FRMD3: variants seen among roughly 807,000 people sequenced by gnomAD.
FRMD3 encodes the protein FERM domain-containing protein 3.
FRMD3 carries 33 observed loss-of-function variants against 70.2 expected under a neutral mutation model. The ratio of observed to expected loss-of-function variants is 0.47; its 90% CI spans 0.36 to 0.63. The LOEUF is 0.63. Ranked by LOEUF, FRMD3 falls within the 20% of genes least tolerant of loss-of-function variation. The pLI is 0.00. For synonymous variants in FRMD3, 279 were observed against 255.9 expected, an observed-to-expected ratio of 1.09 and a Z score of -0.86; for missense variants, 632 against 711.4, an observed-to-expected ratio of 0.89 and a Z score of 1.27.
At chr9:83,415,133 C>T (rs752809022) in intron 1 of FRMD3, among the ~76,000 whole-genome samples, 4 of 152,200 alleles carry the variant, frequency 2.6e-5, no homozygotes, top group Non-Finnish European at 4.4e-5. Context: ...GAGGCAACCT[C>T]ACAGGTCAGG....
chr9:83,541,933 T>G (rs1044623504), upstream of FRMD3, among the ~76,000 whole-genome samples: 3 of 152,142 alleles, frequency 2.0e-5, no homozygotes, highest in Non-Finnish European at 4.4e-5. Context: ...AAACATTTTT[T>G]TATTTTTTAT....
intron 1 of FRMD3, among the ~76,000 whole-genome samples, chr9:83,391,886 T>C (rs559440009): frequency 1.3e-5 from 2 of 152,228 alleles, no homozygotes; most frequent in East Asian, 3.9e-4. Context: ...GCAGCCTCAG[T>C]CTCACCCAGG....
chr9:83,469,497 A>G (rs4877256), intron 1 of FRMD3, among the ~76,000 whole-genome samples: 113,429 of 152,124 alleles, frequency 0.75, 42,423 homozygotes, highest in African/African-American at 0.79. Context: ...TACAGGGGCA[A>G]CAGGGAAGTG....
chr9:83,512,964 A>G (rs1343421469), intron 1 of FRMD3, among the ~76,000 whole-genome samples: 1 of 152,232 alleles, frequency 6.6e-6, no homozygotes, highest in East Asian at 1.9e-4. Flanking sequence ...GCAGGGAAAT[A>G]AAATGACACG....
At chr9:83,356,298 CAG>C (rs1262845563) in intron 3 of FRMD3, among the ~76,000 whole-genome samples, 1 of 78,796 alleles carries the variant, frequency 1.3e-5, no homozygotes, top group Admixed American at 1.7e-4. Context: ...TTTTTTTTGA[CAG>C]AGTCTTGCTC....
At chr9:83,518,836 C>T (rs1444692484) in intron 1 of FRMD3, among the ~76,000 whole-genome samples, 5 of 152,104 alleles carry the variant, frequency 3.3e-5, no homozygotes, top group Non-Finnish European at 5.9e-5. Flanking sequence ...GAAATAATAC[C>T]ACACATCTAC....
chr9:83,480,556 C>T (rs1047357505), intron 1 of FRMD3, among the ~76,000 whole-genome samples: 5 of 146,996 alleles, frequency 3.4e-5, no homozygotes, highest in Non-Finnish European at 5.9e-5. Flanking sequence ...AGTGCAATGG[C>T]GTGATCTCAG....
At chr9:83,549,659 C>T in the FRMD3 span, among the ~76,000 whole-genome samples, 1 of 152,056 alleles carries the variant, frequency 6.6e-6, no homozygotes, top group Non-Finnish European at 1.5e-5. Context: ...GTGTGAGATG[C>T]TATCTCATTG....
chr9:83,550,388 C>G, the FRMD3 span, among the ~76,000 whole-genome samples: 1 of 152,108 alleles, frequency 6.6e-6, no homozygotes, highest in South Asian at 2.1e-4. Flanking sequence ...ATGATTCCCC[C>G]ACCTTTGTTC....
chr9:83,559,727 G>A, the FRMD3 span, among the ~76,000 whole-genome samples: 407 of 152,100 alleles, frequency 2.7e-3, 4 homozygotes, highest in African/African-American at 9.1e-3. Flanking sequence ...TCTAAAAGAA[G>A]TTATACATAA....
rs1239640656 is a variant in FRMD3 at position 83,247,648 on chromosome 9, G to C, written c.*270C>G. 1.7e-5 allele frequency: 19 copies of C among 1,109,888 alleles called. No individual in the cohort carries two copies. The Admixed American group carries it at 5.3e-4, about 31-fold the overall frequency. The allele number at this position is 1,109,888 out of a possible 1,614,324, so 68.8% of individuals were successfully genotyped here. On this transcript the variant is annotated 3_prime_UTR_variant, in exon 14 of 14. Transcript: ENST00000304195. ...ATGTAACATGTATTATGATATAATAGATGAAGGGTATGTCTACACTATAAT... is the reference window on the plus strand; with the variant it reads ...ATGTAACATGTATTATGATATAATACATGAAGGGTATGTCTACACTATAAT...
At chr9:83,300,399 T>C (rs1024250747) in intron 10 of FRMD3, among the ~76,000 whole-genome samples, 7 of 152,310 alleles carry the variant, frequency 4.6e-5, no homozygotes, top group Non-Finnish European at 2.9e-5. Flanking sequence ...CCTAAACATC[T>C]AGAGAACTCA....
chr9:83,583,920 C>G, the FRMD3 span, among the ~76,000 whole-genome samples: 1 of 152,166 alleles, frequency 6.6e-6, no homozygotes, highest in Non-Finnish European at 1.5e-5. Flanking sequence ...TTCTTGTCTT[C>G]CCTGAACCCA....
At chr9:83,284,978 G>C (rs11792963) in intron 13 of FRMD3, among the ~76,000 whole-genome samples, 128,089 of 152,172 alleles carry the variant, frequency 0.84, 55,608 homozygotes, top group East Asian at 0.97. Flanking sequence ...CCCCACCAGT[G>C]ACCTGTTATG....
chr9:83,478,371 T>C (rs188830569), intron 1 of FRMD3, among the ~76,000 whole-genome samples: 125 of 152,264 alleles, frequency 8.2e-4, no homozygotes, highest in African/African-American at 2.8e-3. Flanking sequence ...AAACCCATAA[T>C]TTTCAAGAGT....
At chr9:83,507,687 CATACATATATATATATATATATAT>C (rs1488906338) in intron 1 of FRMD3, among the ~76,000 whole-genome samples, 1,055 of 46,930 alleles carry the variant, frequency 0.022, 115 homozygotes, top group African/African-American at 0.051. Context: ...AAAAAATATA[CATACATATATATATATATATATAT>C]ATATATATAT....
At chr9:83,516,080 G>A (rs1361910199) in intron 1 of FRMD3, among the ~76,000 whole-genome samples, 2 of 152,126 alleles carry the variant, frequency 1.3e-5, no homozygotes, top group Non-Finnish European at 2.9e-5. Context: ...AAAATAACCA[G>A]CTAGCATCAT....
chr9:83,251,208 AG>A (rs1832406143), intron 13 of FRMD3, among the ~76,000 whole-genome samples: 1 of 152,190 alleles, frequency 6.6e-6, no homozygotes, highest in Non-Finnish European at 1.5e-5. Flanking sequence ...TGATACCTAC[AG>A]GGATAGAAGA....
chr9:83,258,970 T>C (rs1444227995), intron 13 of FRMD3, among the ~76,000 whole-genome samples: 1 of 152,000 alleles, frequency 6.6e-6, no homozygotes, highest in Non-Finnish European at 1.5e-5. Flanking sequence ...AAAACAACTA[T>C]GGAATACCCA....
Sources: allele counts gnomAD v4.1 joint callset (sites outside exome capture counted in the v4.1 genomes callset), GRCh38; gene constraint gnomAD v4.1.1; transcripts MANE v1.5; gene names NCBI Gene and HGNC (gene_info 2026-07-23, HGNC 2026-07-21).